Variants in AFF3 observed in about 807,000 individuals in gnomAD.
AFF3 encodes the protein ALF transcription elongation factor 3, also known as AF4/FMR2 family member 3.
In AFF3, 32 loss-of-function variants were observed where a neutral mutation model predicts 129.7. The ratio of observed to expected loss-of-function variants is 0.25; its 90% CI spans 0.19 to 0.33. AFF3 has a LOEUF of 0.33. AFF3 is among the 10% of genes least tolerant of loss of function. The pLI is 1.00. For missense variants in AFF3, 1,373 were observed against 1,592.0 expected, an observed-to-expected ratio of 0.86 and a Z score of 2.34; for synonymous variants, 644 against 635.4, an observed-to-expected ratio of 1.01 and a Z score of -0.20.
chr2:99,928,837 C>A (rs1321598552), intron 7 of AFF3, among the ~76,000 whole-genome samples: 2 of 152,114 alleles, frequency 1.3e-5, no homozygotes, highest in Non-Finnish European at 2.9e-5. Context: ...AGGGACCTGT[C>A]AAATTAGTCC....
chr2:100,133,327 C>G (rs562631146), intron 1 of AFF3, among the ~76,000 whole-genome samples: 1 of 152,070 alleles, frequency 6.6e-6, no homozygotes, highest in Non-Finnish European at 1.5e-5. Flanking sequence ...CACTCATCCA[C>G]AATTCCATCA....
chr2:99,618,648 A>G (rs1407246999), intron 13 of AFF3, among the ~76,000 whole-genome samples: 1 of 152,198 alleles, frequency 6.6e-6, no homozygotes, highest in Non-Finnish European at 1.5e-5. Context: ...TAGCCTAACC[A>G]GTAAGAATTC....
intron 7 of AFF3, among the ~76,000 whole-genome samples, chr2:99,902,729 T>C (rs893659618): frequency 2.0e-5 from 3 of 152,150 alleles, no homozygotes; most frequent in African/African-American, 7.2e-5. Flanking sequence ...AGTAATTAAA[T>C]TGATTTTAAC....
intron 7 of AFF3, among the ~76,000 whole-genome samples, chr2:99,930,969 CA>C (rs1435139979): frequency 8.5e-5 from 13 of 152,324 alleles, no homozygotes; most frequent in African/African-American, 3.1e-4. Context: ...TAAGCACTTA[CA>C]TACTGAAGTT....
chr2:100,001,705 C>T (rs987178717), intron 7 of AFF3, among the ~76,000 whole-genome samples: 5 of 137,582 alleles, frequency 3.6e-5, no homozygotes, highest in East Asian at 1.9e-4. Flanking sequence ...GGATTACAGG[C>T]GTTAAGCCAC....
intron 11 of AFF3, among the ~76,000 whole-genome samples, chr2:99,703,497 T>C (rs1186455397): frequency 2.0e-5 from 3 of 152,226 alleles, no homozygotes; most frequent in Non-Finnish European, 4.4e-5. Context: ...TTCAACACCA[T>C]TCATTGAAAA....
chr2:100,011,612 A>T (rs1211327223), intron 4 of AFF3: 2 of 780,194 alleles, frequency 2.6e-6, no homozygotes. Context: ...GAAACACTTT[A>T]AACCTGATTA....
chr2:99,621,418 C>T (rs978223752), intron 13 of AFF3, among the ~76,000 whole-genome samples: 12 of 152,160 alleles, frequency 7.9e-5, no homozygotes, highest in African/African-American at 2.9e-4. Flanking sequence ...TCTTAACTTG[C>T]TGTATATAAA....
intron 18 of AFF3, among the ~76,000 whole-genome samples, chr2:99,574,481 C>T (rs1272274739): frequency 6.6e-6 from 1 of 152,014 alleles, no homozygotes; most frequent in African/African-American, 2.4e-5. Context: ...CCTAGGAAAA[C>T]GGGCTTGGAA....
At chr2:100,119,277 AC>A (rs1340266982) in intron 2 of AFF3, among the ~76,000 whole-genome samples, 2 of 152,118 alleles carry the variant, frequency 1.3e-5, no homozygotes, top group East Asian at 3.9e-4. Flanking sequence ...CCCTGTGATT[AC>A]CCTCAGGGGC....
At chr2:99,775,603 T>C (rs1017132584) in intron 8 of AFF3, among the ~76,000 whole-genome samples, 8 of 151,856 alleles carry the variant, frequency 5.3e-5, no homozygotes, top group East Asian at 1.9e-4. Context: ...GATGGGCTGA[T>C]AGGTGCAGCA....
intron 7 of AFF3, among the ~76,000 whole-genome samples, chr2:99,898,585 C>T (rs370138500): frequency 6.6e-6 from 1 of 152,166 alleles, no homozygotes; most frequent in African/African-American, 2.4e-5. Context: ...TTCTCTGCCC[C>T]GGGCATGGCA....
chr2:99,892,606 C>T (rs921375411), intron 7 of AFF3, among the ~76,000 whole-genome samples: 2 of 152,108 alleles, frequency 1.3e-5, no homozygotes, highest in Non-Finnish European at 2.9e-5. Flanking sequence ...TTCAAAGGGC[C>T]CTGCCTGCAT....
At chr2:99,948,126 C>G (rs1189953855) in intron 7 of AFF3, among the ~76,000 whole-genome samples, 1 of 152,224 alleles carries the variant, frequency 6.6e-6, no homozygotes, top group Non-Finnish European at 1.5e-5. Flanking sequence ...CTGGCTGACT[C>G]CTTTCTCCCA....
chr2:99,912,036 C>A (rs1695139745), intron 7 of AFF3, among the ~76,000 whole-genome samples: 1 of 152,126 alleles, frequency 6.6e-6, no homozygotes, highest in Non-Finnish European at 1.5e-5. Flanking sequence ...GCCTCTGAAA[C>A]AGGATTCCTT....
chr2:99,616,762 A>G (rs979271169), intron 13 of AFF3, among the ~76,000 whole-genome samples: 1 of 152,148 alleles, frequency 6.6e-6, no homozygotes, highest in African/African-American at 2.4e-5. Flanking sequence ...TCAAAAAAAA[A>G]GAAAAGAAAC....
At chr2:99,993,538 T>C (rs1396648179) in intron 7 of AFF3, among the ~76,000 whole-genome samples, 2 of 151,370 alleles carry the variant, frequency 1.3e-5, no homozygotes, top group Non-Finnish European at 3.0e-5. Flanking sequence ...AAACTAAAGA[T>C]AAAACTAATA....
rs114098590 is a variant in AFF3 at position 100,116,707 on chromosome 2, A to G, written c.-144-11124T>C. On this transcript the variant is annotated intron_variant, in intron 2 of 24. Coordinates refer to ENST00000672756, the MANE Select transcript of AFF3 (RefSeq NM_001386135.1). ...AATTTTCTATATATTAAACCCCCAA[A>G]GACATTATTATTTTATATAGTTAAT... 2.7e-3 allele frequency among the ~76,000 whole-genome samples: 414 copies of G among 152,204 alleles called. 2 individuals are homozygous for G. Among genetic ancestry groups the G allele is most frequent in the African/African-American group, 9.4e-3 (389 of 41,558 alleles).
At chr2:99,626,736 A>C (rs1332686168) in intron 13 of AFF3, among the ~76,000 whole-genome samples, 1 of 152,110 alleles carries the variant, frequency 6.6e-6, no homozygotes, top group Non-Finnish European at 1.5e-5. Context: ...CCCAGCCTCC[A>C]TCAACTGACA....
Sources: allele counts gnomAD v4.1 joint callset (sites outside exome capture counted in the v4.1 genomes callset), GRCh38; gene constraint gnomAD v4.1.1; transcripts MANE v1.5; gene names NCBI Gene and HGNC (gene_info 2026-07-23, HGNC 2026-07-21).